The following YY1AP1 variants were observed in gnomAD, a reference collection of about 807,000 sequenced individuals.
YY1AP1 encodes the protein YY1 associated protein 1, also known as YY1-associated protein 1.
A neutral mutation model predicts 39.9 loss-of-function variants in YY1AP1; 43 were observed. The ratio of observed to expected loss-of-function variants is 1.08; its 90% confidence interval spans 0.84 to 1.39. The LOEUF is 1.39. Ranked by LOEUF, YY1AP1 falls within the 40% of genes most tolerant of loss-of-function variation. The probability of loss-of-function intolerance (pLI) is 0.00; values close to 1 mark genes in which losing one functional copy is unlikely to be tolerated. For synonymous variants in YY1AP1, 292 were observed against 331.3 expected, an observed-to-expected ratio of 0.88 and a Z score of 1.29; for missense variants, 813 against 900.7, an observed-to-expected ratio of 0.90 and a Z score of 1.25.
At chr1:155,673,913 G>A (rs9426928) in intron 6 of YY1AP1, among the ~76,000 whole-genome samples, 11,911 of 152,000 alleles carry the variant, frequency 0.078, 1,654 homozygotes, top group African/African-American at 0.27. Context: ...TGTAATCCCA[G>A]CACTTTGGGA....
intron 8 of YY1AP1, among the ~76,000 whole-genome samples, chr1:155,669,320 G>A (rs1649511268): frequency 6.6e-6 from 1 of 152,174 alleles, no homozygotes; most frequent in African/African-American, 2.4e-5. Context: ...TTACAGGTGT[G>A]AGCCACCATG....
chr1:155,664,224 TA>T (rs1268819403), intron 9 of YY1AP1, among the ~76,000 whole-genome samples: 1 of 152,018 alleles, frequency 6.6e-6, no homozygotes, highest in African/African-American at 2.4e-5. Context: ...TTAAAAAAAT[TA>T]TTTCCTATCT....
In YY1AP1 at chr1:155,680,412, TCA is replaced by T. The variant is rs1442063432; in HGVS notation, c.21+2_21+3del. 17 of 1,613,422 alleles carry T rather than the reference TCA, an allele frequency of 1.1e-5. No individual in the cohort carries two copies. The highest frequency in any genetic ancestry group is 4.5e-5 in the East Asian group (2 of 44,846). ...CATGTTCTCACTTGAGGATCATTACTCACAGTTTCAAACAGATCTTCCATCAG... is the reference window on the plus strand; with the variant it reads ...CATGTTCTCACTTGAGGATCATTACTCAGTTTCAAACAGATCTTCCATCAG... On this transcript the variant is annotated splice_donor_variant and splice_donor_region_variant and intron_variant, in intron 3 of 10. Transcript: ENST00000355499. LOFTEE classifies it high-confidence loss of function.
At chr1:155,664,131 A>G (rs1315843907) in intron 9 of YY1AP1, among the ~76,000 whole-genome samples, 13 of 152,108 alleles carry the variant, frequency 8.5e-5, no homozygotes, top group Admixed American at 8.5e-4. Flanking sequence ...CTCGGAAAAA[A>G]AAAAAAAAAG....
At position 155,660,793 on chromosome 1, in the gene YY1AP1, CTG is replaced by C; in HGVS notation, c.1115_1116del (p.Ser372Ter). On this transcript the variant is annotated frameshift_variant, in exon 11 of 11. Transcript: ENST00000355499. LOFTEE classifies it low-confidence loss of function (END_TRUNC). ...NSDQGLEKDN[S>X]ELGSETRYPL... ...GGGTACCGAGTTTCACTCCCCAACTCTGAGTTGTCTTTTTCTAGGCCTTGATC... is the reference window on the plus strand; with the variant it reads ...GGGTACCGAGTTTCACTCCCCAACTCAGTTGTCTTTTTCTAGGCCTTGATC... 1 of 1,614,260 alleles carries C rather than the reference CTG, an allele frequency of 6.2e-7. No homozygotes were observed. Among genetic ancestry groups the C allele is most frequent in the Non-Finnish European group, 8.5e-7 (1 of 1,180,042 alleles).
intron 3 of YY1AP1, 42 bp from the exon 4 acceptor site, chr1:155,679,554 T>C (rs769285093): frequency 1.2e-5 from 19 of 1,613,896 alleles, no homozygotes; most frequent in South Asian, 4.4e-5. Flanking sequence ...GGGAATGGGC[T>C]TTTGAATGTT....
chr1:155,675,817 A>G (rs1217289656), intron 5 of YY1AP1, among the ~76,000 whole-genome samples: 3 of 152,236 alleles, frequency 2.0e-5, no homozygotes, highest in Non-Finnish European at 4.4e-5. Context: ...GCTTTCTGCA[A>G]AGAGTGTGAG....
At chr1:155,688,990 G>A, upstream of YY1AP1, 3 of 1,603,278 alleles carry the variant, frequency 1.9e-6, no homozygotes, top group Non-Finnish European at 1.7e-6. Flanking sequence ...ACCGCGGCGA[G>A]GGGATCGAGG....
In YY1AP1 at chr1:155,659,854, T is replaced by A; in HGVS notation, c.2056A>T (p.Lys686Ter). ...EHSPGPPPVDKQCQEGLSENS... is the reference protein window; with the variant it reads ...EHSPGPPPVD ...TCTGACAATCCTTCTTGGCACTGTT[T>A]ATCGACTGGTGGAGGCCCTGGGCTA... The change falls in exon 11 of 11, where the codon AAA becomes TAA. Residue 686 changes from lysine to a stop codon, truncating the protein, a stop_gained. Coordinates refer to ENST00000355499, the MANE Select transcript of YY1AP1 (RefSeq NM_139119.3). LOFTEE classifies it low-confidence loss of function (END_TRUNC). 6.2e-7 allele frequency: 1 copy of A among 1,614,182 alleles called. No individual in the cohort carries two copies. The highest frequency in any genetic ancestry group is 8.5e-7 in the Non-Finnish European group (1 of 1,180,030).
chr1:155,664,247 T>C (rs970313146), intron 9 of YY1AP1, among the ~76,000 whole-genome samples: 6 of 152,146 alleles, frequency 3.9e-5, no homozygotes, highest in African/African-American at 1.4e-4. Context: ...GAATTCTAGA[T>C]ACAGTGACAG....
intron 9 of YY1AP1, among the ~76,000 whole-genome samples, chr1:155,666,270 C>T (rs542323976): frequency 1.2e-4 from 18 of 152,140 alleles, no homozygotes; most frequent in African/African-American, 2.9e-4. Flanking sequence ...TACAGGCGCC[C>T]GCCACCACGC....
At chr1:155,681,842 ATTTT>A (rs57371049) in intron 2 of YY1AP1, among the ~76,000 whole-genome samples, 41 of 137,648 alleles carry the variant, frequency 3.0e-4, no homozygotes, top group African/African-American at 9.2e-4. Flanking sequence ...TACATTGAGG[ATTTT>A]TTTTTTTTTT....
At chr1:155,670,950 G>A (rs929114391) in intron 7 of YY1AP1, 1 of 164,512 alleles carries the variant, frequency 6.1e-6, no homozygotes, top group South Asian at 1.5e-4. Context: ...GATTACAGGC[G>A]TAAGCCACGG....
intron 2 of YY1AP1, among the ~76,000 whole-genome samples, chr1:155,681,053 G>A (rs1401256813): frequency 6.7e-6 from 1 of 149,112 alleles, no homozygotes; most frequent in Non-Finnish European, 1.5e-5. Flanking sequence ...TTTTTGAGAC[G>A]GAGTTTCGCT....
At chr1:155,677,759 C>T (rs557274841) in intron 4 of YY1AP1, among the ~76,000 whole-genome samples, 1 of 152,112 alleles carries the variant, frequency 6.6e-6, no homozygotes, top group Non-Finnish European at 1.5e-5. Flanking sequence ...ATTTGAACAT[C>T]CGCGCTACCA....
At chr1:155,667,836 A>G (rs1005072688) in intron 9 of YY1AP1, among the ~76,000 whole-genome samples, 3 of 152,036 alleles carry the variant, frequency 2.0e-5, no homozygotes, top group African/African-American at 7.2e-5. Context: ...CAATCAATCA[A>G]TAAGTAAAAA....
At chr1:155,675,604 G>A (rs1650533405) in intron 5 of YY1AP1, among the ~76,000 whole-genome samples, 1 of 151,952 alleles carries the variant, frequency 6.6e-6, no homozygotes, top group South Asian at 2.1e-4. Context: ...GATTACAGGT[G>A]TGAGCCACTG....
intron 9 of YY1AP1, among the ~76,000 whole-genome samples, chr1:155,664,262 G>C (rs536062374): frequency 5.3e-4 from 80 of 152,124 alleles, no homozygotes; most frequent in Non-Finnish European, 9.7e-4. Flanking sequence ...TGACAGAGGA[G>C]AGTATTATTT....
At chr1:155,669,928 G>A (rs1007665068) in intron 8 of YY1AP1, among the ~76,000 whole-genome samples, 7 of 152,190 alleles carry the variant, frequency 4.6e-5, no homozygotes, top group Non-Finnish European at 7.3e-5. Context: ...TGGAGGCTGA[G>A]GCAGGAGGAT....
Sources: gnomAD v4.1 joint callset for allele counts (sites outside exome capture counted in the v4.1 genomes callset) on GRCh38, gnomAD v4.1.1 for gene constraint, MANE v1.5 for transcripts, NCBI Gene and HGNC (gene_info 2026-07-23, HGNC 2026-07-21) for gene names.